Variants in ZNF536 observed in about 807,000 individuals in gnomAD.
ZNF536 encodes zinc finger protein 536.
ZNF536 carries 13 observed loss-of-function variants against 84.5 expected under a neutral mutation model. That is an observed-to-expected ratio of 0.15 (90% CI 0.10 to 0.24). The LOEUF (loss-of-function observed/expected upper bound fraction) is 0.24, where lower values mean the gene tolerates loss of function less well. Among genes scored for constraint, ZNF536 ranks in the 10% least tolerant of loss-of-function variants. The pLI, the probability that ZNF536 is intolerant of heterozygous loss-of-function variation, is 1.00. For missense variants in ZNF536, 1,536 were observed against 1,747.5 expected (o/e 0.88, Z 2.16); for synonymous variants, 811 against 742.5 (o/e 1.09, Z -1.50).
At chr19:30,594,798 G>A (rs550797486) in intron 1 of ZNF536, among the ~76,000 whole-genome samples, 2 of 151,086 alleles carry the variant, frequency 1.3e-5, no homozygotes, top group African/African-American at 4.9e-5. Context: ...AGTGACAGCC[G>A]AGGCCAACGT....
intron 1 of ZNF536, among the ~76,000 whole-genome samples, chr19:30,709,324 C>A (rs958283304): frequency 6.6e-6 from 1 of 152,160 alleles, no homozygotes; most frequent in Non-Finnish European, 1.5e-5. Context: ...CGACAACTTT[C>A]GCTGCTGCCC....
At chr19:30,395,666 CCT>C (rs1385817339) in intron 1 of ZNF536, among the ~76,000 whole-genome samples, 1 of 152,132 alleles carries the variant, frequency 6.6e-6, no homozygotes, top group African/African-American at 2.4e-5. Context: ...TAGCTGTGTA[CCT>C]CTTCATGTGG....
intron 1 of ZNF536, among the ~76,000 whole-genome samples, chr19:30,435,324 T>C (rs1204974821): frequency 6.6e-6 from 1 of 150,962 alleles, no homozygotes; most frequent in Non-Finnish European, 1.5e-5. Context: ...GTGATGGTGG[T>C]GATGATGATG....
downstream of ZNF536, among the ~76,000 whole-genome samples, chr19:30,560,624 C>T (rs2046129498): frequency 6.6e-6 from 1 of 152,170 alleles, no homozygotes; most frequent in Non-Finnish European, 1.5e-5. Context: ...TCCAAGGAGA[C>T]ATCTGTGACT....
chr19:30,339,860 T>C (rs1381329407), intron 2 of ZNF536, among the ~76,000 whole-genome samples: 2 of 152,140 alleles, frequency 1.3e-5, no homozygotes, highest in Non-Finnish European at 2.9e-5. Context: ...CAGGGTGGGC[T>C]CCTCTGGAAT....
chr19:30,605,670 T>C (rs537645184), intron 1 of ZNF536, among the ~76,000 whole-genome samples: 1 of 152,326 alleles, frequency 6.6e-6, no homozygotes, highest in South Asian at 2.1e-4. Context: ...GTGTCTTTCA[T>C]ATAATGACTT....
chr19:30,283,208 G>A (rs1329241438), intron 1 of ZNF536, among the ~76,000 whole-genome samples: 2 of 152,166 alleles, frequency 1.3e-5, no homozygotes, highest in Non-Finnish European at 2.9e-5. Context: ...ATTTATTAAG[G>A]GAACTTATGT....
intron 1 of ZNF536, among the ~76,000 whole-genome samples, chr19:30,598,323 T>G (rs2047538854): frequency 6.6e-6 from 1 of 152,108 alleles, no homozygotes; most frequent in Non-Finnish European, 1.5e-5. Flanking sequence ...GCCCTTGTCT[T>G]CCCTAACTTA....
intron 1 of ZNF536, among the ~76,000 whole-genome samples, chr19:30,608,981 A>G (rs1217624301): frequency 6.6e-6 from 1 of 152,186 alleles, no homozygotes; most frequent in Admixed American, 6.5e-5. Flanking sequence ...AGTCCAGGTG[A>G]CAAAAGGGCC....
chr19:30,570,772 T>G lies in ZNF536; in HGVS notation c.169+21258T>G, dbSNP rs377114054. Among the ~76,000 whole-genome samples the G allele has an allele frequency of 3.8e-4, 58 of 152,292 alleles. 1 individual carries two copies. Among genetic ancestry groups the G allele is most frequent in the African/African-American group, 1.3e-3 (56 of 41,560 alleles). On this transcript the variant is annotated intron_variant, in intron 1 of 1. Transcript: ENST00000592773. ...ATATCAATAAATATACCCCTTTTTG[T>G]GTTGGTGAAGTCTCCTCAAAAAACA...
chr19:30,408,004 A>C (rs16964157), intron 1 of ZNF536, among the ~76,000 whole-genome samples: 1 of 152,082 alleles, frequency 6.6e-6, no homozygotes, highest in Non-Finnish European at 1.5e-5. Context: ...CTCTGATGTG[A>C]TGGGCACTAT....
chr19:30,467,633 C>A (rs1392483331), intron 2 of ZNF536, among the ~76,000 whole-genome samples: 1 of 152,168 alleles, frequency 6.6e-6, no homozygotes, highest in Non-Finnish European at 1.5e-5. Flanking sequence ...AGCTTTGAAC[C>A]CATGAAGGCC....
Position 30,570,379 on chromosome 19 carries a change from G to A in ZNF536, c.169+20865G>A, listed in dbSNP as rs1245637478. On this transcript the variant is annotated intron_variant, in intron 1 of 1. Transcript: ENST00000592773. ...TCCTCCCAACTCAAACTGGCACGTG[G>A]GGTACGGAGAGGGTGGCAGGTGCAG... Among the ~76,000 whole-genome samples, 4 of 152,310 alleles carry A rather than the reference G, an allele frequency of 2.6e-5. No homozygotes were observed. The South Asian group carries it at 8.3e-4, about 32-fold the overall frequency.
intron 2 of ZNF536, among the ~76,000 whole-genome samples, chr19:30,458,793 C>T (rs1053255475): frequency 6.6e-6 from 1 of 152,124 alleles, no homozygotes; most frequent in Non-Finnish European, 1.5e-5. Flanking sequence ...ATCGTGTCGT[C>T]TCTGAGGGAC....
At chr19:30,330,237 A>C (rs549224518) in intron 2 of ZNF536, among the ~76,000 whole-genome samples, 22 of 152,328 alleles carry the variant, frequency 1.4e-4, no homozygotes, top group Admixed American at 2.6e-4. Context: ...AAATTCGATC[A>C]TGTAGAAGTT....
chr19:30,363,361 A>G (rs1008840650), intron 3 of ZNF536, among the ~76,000 whole-genome samples: 1 of 152,194 alleles, frequency 6.6e-6, no homozygotes, highest in African/African-American at 2.4e-5. Flanking sequence ...GCAGCCTATC[A>G]CCAGGGCTGT....
intron 3 of ZNF536, among the ~76,000 whole-genome samples, chr19:30,364,461 T>G (rs747075411): frequency 6.6e-6 from 1 of 152,278 alleles, no homozygotes; most frequent in East Asian, 1.9e-4. Flanking sequence ...CAGGGGTCAG[T>G]GAGCCAAGAT....
rs77440283 is a variant in ZNF536, at chr19:30,610,284, G to A, written c.169+60770G>A. On this transcript the variant is annotated intron_variant, in intron 1 of 1. Coordinates refer to the ZNF536 transcript ENST00000592773. ...ATAAATGCCTTTTGTGTGGTGTTGG[G>A]ACAGGATAGGGTGTGACGGCAACCA... 9.3e-3 allele frequency among the ~76,000 whole-genome samples: 1,420 copies of A among 152,310 alleles called. 9 individuals carry two copies. The highest frequency in any genetic ancestry group is 0.017 in the Middle Eastern group (5 of 294).
intron 1 of ZNF536, among the ~76,000 whole-genome samples, chr19:30,241,645 A>T (rs1223268807): frequency 1.2e-4 from 19 of 152,344 alleles, no homozygotes; most frequent in Non-Finnish European, 1.5e-5. Flanking sequence ...AGCAGAGCCC[A>T]TGGGGAGCGG....
Sources: gnomAD v4.1 joint callset for allele counts (sites outside exome capture counted in the v4.1 genomes callset) on GRCh38, gnomAD v4.1.1 for gene constraint, MANE v1.5 for transcripts, NCBI Gene and HGNC (gene_info 2026-07-23, HGNC 2026-07-21) for gene names.